The following QTMAN variants were observed in gnomAD, a reference collection of about 807,000 sequenced individuals.
QTMAN encodes the protein queuosine-tRNA mannosyltransferase, also known as tRNA-queuosine alpha-mannosyltransferase.
At chr2:144,218,711 G>A in the QTMAN span, among the ~76,000 whole-genome samples, 2 of 152,134 alleles carry the variant, frequency 1.3e-5, no homozygotes, top group African/African-American at 4.8e-5. Flanking sequence ...AAATAGCAGT[G>A]TTACTCTAAC....
At chr2:144,043,031 C>T in the QTMAN span, among the ~76,000 whole-genome samples, 1 of 152,092 alleles carries the variant, frequency 6.6e-6, no homozygotes, top group Admixed American at 6.5e-5. Context: ...CACAATCAAC[C>T]CAAGCTAAGC....
At chr2:144,093,825 T>C in the QTMAN span, among the ~76,000 whole-genome samples, 1 of 152,208 alleles carries the variant, frequency 6.6e-6, no homozygotes, top group Non-Finnish European at 1.5e-5. Flanking sequence ...TTATATCCAG[T>C]ACCCTACCCA....
chr2:144,108,377 T>C, the QTMAN span, among the ~76,000 whole-genome samples: 1 of 152,176 alleles, frequency 6.6e-6, no homozygotes, highest in African/African-American at 2.4e-5. Context: ...CAGTTGCTCA[T>C]GCCTGTAATC....
chr2:144,330,121 G>A, the QTMAN span, among the ~76,000 whole-genome samples: 2 of 152,132 alleles, frequency 1.3e-5, no homozygotes, highest in African/African-American at 4.8e-5. Context: ...ACATGTGATA[G>A]GATTTCCCTT....
At chr2:144,278,435 G>C in the QTMAN span, among the ~76,000 whole-genome samples, 1 of 152,018 alleles carries the variant, frequency 6.6e-6, no homozygotes, top group African/African-American at 2.4e-5. Flanking sequence ...AAGGGGACAA[G>C]GCAACATTTA....
chr2:144,101,766 T>C, the QTMAN span, among the ~76,000 whole-genome samples: 4 of 152,196 alleles, frequency 2.6e-5, no homozygotes, highest in Non-Finnish European at 5.9e-5. Context: ...TTCTGTCAAA[T>C]ACCATTTTAT....
chr2:144,185,325 G>T, the QTMAN span, among the ~76,000 whole-genome samples: 3 of 152,072 alleles, frequency 2.0e-5, no homozygotes, highest in African/African-American at 7.2e-5. Flanking sequence ...GCCATACAAG[G>T]ATCTGTTCTC....
chr2:143,970,580 T>C, the QTMAN span: 26 of 824,606 alleles, frequency 3.2e-5, 1 homozygote, highest in South Asian at 3.5e-4. Context: ...AAGGGAAACA[T>C]GGAAATTAAT....
At chr2:144,203,370 A>T in the QTMAN span, among the ~76,000 whole-genome samples, 1 of 152,158 alleles carries the variant, frequency 6.6e-6, no homozygotes, top group African/African-American at 2.4e-5. Context: ...TGCCTAAATT[A>T]AACAATCCTG....
At chr2:144,203,437 T>C in the QTMAN span, among the ~76,000 whole-genome samples, 2 of 152,294 alleles carry the variant, frequency 1.3e-5, no homozygotes, top group Non-Finnish European at 2.9e-5. Flanking sequence ...CTAAGGGCCA[T>C]GCAAGTCTAG....
chr2:144,276,507 G>C, the QTMAN span, among the ~76,000 whole-genome samples: 1 of 152,052 alleles, frequency 6.6e-6, no homozygotes, highest in African/African-American at 2.4e-5. Context: ...TTGAGATTTT[G>C]TCAGTGTCCT....
At chr2:143,970,854 T>C in the QTMAN span, 2 of 728,254 alleles carry the variant, frequency 2.7e-6, no homozygotes, top group Non-Finnish European at 5.0e-6. Flanking sequence ...ATTTTTTTCA[T>C]GGTCTACTGC....
the QTMAN span, among the ~76,000 whole-genome samples, chr2:144,321,193 G>A: frequency 2.8e-4 from 42 of 152,232 alleles, no homozygotes; most frequent in South Asian, 6.2e-4. Flanking sequence ...ATCTGAAAGC[G>A]TTACCTATCA....
At chr2:144,066,904 G>T in the QTMAN span, among the ~76,000 whole-genome samples, 1 of 152,224 alleles carries the variant, frequency 6.6e-6, no homozygotes, top group Admixed American at 6.5e-5. Context: ...TTCTACCATG[G>T]TCTTCTCTAT....
chr2:144,183,489 T>A, the QTMAN span, among the ~76,000 whole-genome samples: 1 of 152,186 alleles, frequency 6.6e-6, no homozygotes, highest in African/African-American at 2.4e-5. Context: ...ACAAGCTTTC[T>A]TTTACAGGAC....
chr2:144,081,206 C>T, the QTMAN span, among the ~76,000 whole-genome samples: 1 of 151,980 alleles, frequency 6.6e-6, no homozygotes, highest in African/African-American at 2.4e-5. Flanking sequence ...CAGGTGGGTA[C>T]TGAAGGAAAA....
the QTMAN span, among the ~76,000 whole-genome samples, chr2:144,212,270 T>C: frequency 6.6e-6 from 1 of 152,144 alleles, no homozygotes; most frequent in South Asian, 2.1e-4. Flanking sequence ...CGAAACCAGA[T>C]TGGCCAACAC....
the QTMAN span, among the ~76,000 whole-genome samples, chr2:144,032,474 C>T: frequency 6.6e-6 from 1 of 152,126 alleles, no homozygotes; most frequent in Non-Finnish European, 1.5e-5. Context: ...AAGATTTGCT[C>T]AAAAGAAAGA....
the QTMAN span, among the ~76,000 whole-genome samples, chr2:144,213,127 T>C: frequency 6.6e-5 from 10 of 152,188 alleles, no homozygotes; most frequent in Non-Finnish European, 8.8e-5. Flanking sequence ...TAATAATGCA[T>C]TGATAAGATC....
Sources: allele counts gnomAD v4.1 joint callset (sites outside exome capture counted in the v4.1 genomes callset), GRCh38; gene constraint gnomAD v4.1.1; transcripts MANE v1.5; gene names NCBI Gene and HGNC (gene_info 2026-07-23, HGNC 2026-07-21).